The following NBEAL2 variants were observed in gnomAD, a reference collection of about 807,000 sequenced individuals.
NBEAL2 encodes neurobeachin like 2.
A neutral mutation model predicts 299.8 loss-of-function variants in NBEAL2; 160 were observed. The observed-to-expected ratio is 0.53, with a 90% CI of 0.47 to 0.61. The LOEUF (loss-of-function observed/expected upper bound fraction) is 0.61, where lower values mean the gene tolerates loss of function less well. Among genes scored for constraint, NBEAL2 ranks in the 20% least tolerant of loss-of-function variants. The pLI is 0.00. For missense variants in NBEAL2, 3,112 were observed against 3,649.0 expected (o/e 0.85, Z 3.79); for synonymous variants, 1,493 against 1,542.3 (o/e 0.97, Z 0.75).
rs1057175891 is a variant in NBEAL2 at position 46,989,311 on chromosome 3, G to A, written c.403G>A (p.Ala135Thr). 2.5e-6 allele frequency: 4 copies of A among 1,603,696 alleles called. No individual in the cohort carries two copies. In the African/African-American group the frequency reaches 5.4e-5, roughly 21 times the overall value. Residue 135 changes from alanine (A) to threonine (T), a missense_variant, in exon 5 of 54, where the codon GCC becomes ACC. Physicochemically the swap from Ala to Thr is moderately conservative, Grantham distance 58. Transcript: ENST00000450053. This position sits in a 1 kb window ranked among gnomAD's most constrained non-coding sequence, Gnocchi z 5.5. Reference sequence around the variant, plus strand: ...CCGAGGCACGCAGTTGGAGAATGTGGCCCTACATGCTCTGCTTCTCTGCGA... The same window carrying A: ...CCGAGGCACGCAGTTGGAGAATGTGACCCTACATGCTCTGCTTCTCTGCGA... ...QGRGTQLENV[A>T]LHALLLCEGL...
Position 47,001,370 on chromosome 3 carries a change from C to G in NBEAL2, c.4576C>G (p.Leu1526Val). The G allele has an allele frequency of 1.2e-6, 2 of 1,613,246 alleles. No homozygotes were observed. The highest frequency in any genetic ancestry group is 1.7e-6 in the Non-Finnish European group (2 of 1,179,880). Residue 1526 changes from leucine to valine, a missense_variant, in exon 29 of 54, where the codon CTG becomes GTG. Coordinates refer to ENST00000450053, the MANE Select transcript of NBEAL2 (RefSeq NM_015175.3). The surrounding 1 kb of genome is among the most constrained non-coding windows in gnomAD (Gnocchi z 6.1). ...LASLTQQALW[L>V]LRLLQDFLCA... ...CAGCCTCACCCAGCAAGCGCTTTGG[C>G]TGCTGCGTCTGCTGCAGGACTTCCT...
chr3:46,989,207 G>C lies in NBEAL2; in HGVS notation c.351+41G>C. 1 of 1,613,246 alleles carries C rather than the reference G, an allele frequency of 6.2e-7. No homozygotes were observed. Among genetic ancestry groups the C allele is most frequent in the Non-Finnish European group, 8.5e-7 (1 of 1,179,522 alleles). On this transcript the variant is annotated intron_variant, in intron 4 of 53. Transcript: ENST00000450053. The surrounding 1 kb of genome is among the most constrained non-coding windows in gnomAD (Gnocchi z 5.5). ...CCTTGGGGGGCAGAGGGTGTATGCA[G>C]GGAGGCAGGCGGTAGCCATGGCGGG...
chr3:47,008,477 C>T (rs1459590140), intron 51 of NBEAL2, 36 bp downstream of exon 51: 23 of 1,609,752 alleles, frequency 1.4e-5, no homozygotes, highest in Admixed American at 3.3e-5. Context: ...GATGGAGGGG[C>T]AGTTGGGATC....
rs1269952134 is a variant in NBEAL2 at position 46,988,893 on chromosome 3, T to C, written c.192T>C (p.His64=). 6.2e-7 allele frequency: 1 copy of C among 1,612,638 alleles called. No individual in the cohort carries two copies. The highest frequency in any genetic ancestry group is 8.5e-7 in the Non-Finnish European group (1 of 1,179,022). The stretch of plus-strand genomic sequence containing the variant: ...CGCTGCTACCACTGGATGAGCTGCA[T>C]GTGCTGGCCGAACAGCTGCACCAGG... ...EVPLLPLDEL[H]VLAEQLHQAD... Residue 64 remains histidine (H), a synonymous_variant, in exon 3 of 54, where the codon CAT becomes CAC. Coordinates refer to ENST00000450053, the MANE Select transcript of NBEAL2 (RefSeq NM_015175.3). The surrounding 1 kb of genome is among the most constrained non-coding windows in gnomAD (Gnocchi z 4.4).
chr3:46,995,794 A>T lies in NBEAL2; in HGVS notation c.1979A>T (p.Lys660Met). 2 of 1,613,844 alleles carry T rather than the reference A, an allele frequency of 1.2e-6. No homozygotes were observed. Among genetic ancestry groups the T allele is most frequent in the Non-Finnish European group, 1.7e-6 (2 of 1,179,864 alleles). Reference protein sequence around the residue: ...GTLVVAVCTRKEYLTMSLPEV... With the variant: ...GTLVVAVCTRMEYLTMSLPEV... The stretch of plus-strand genomic sequence containing the variant: ...CTGGTGGTGGCTGTGTGCACACGGA[A>T]GGAGTATTTGACCATGAGTTTGCCC... The change falls in exon 14 of 54, where the codon AAG becomes ATG. Residue 660 changes from lysine to methionine, a missense_variant. Lys to Met is a moderately conservative substitution (Grantham distance 95). Coordinates refer to ENST00000450053, the MANE Select transcript of NBEAL2 (RefSeq NM_015175.3).
intron 9 of NBEAL2, 147 bp downstream of exon 9, chr3:46,992,093 G>A (rs1368981630): frequency 1.3e-6 from 1 of 761,020 alleles, no homozygotes; most frequent in Non-Finnish European, 2.2e-6. Flanking sequence ...TCAGTGGGAG[G>A]GTGTGGGGCA....
chr3:46,997,432 A>G lies in NBEAL2; in HGVS notation c.2823A>G (p.Ser941=), dbSNP rs909622220. Residue 941 remains serine, a splice_region_variant and synonymous_variant, in exon 19 of 54, where the codon TCA becomes TCG. Transcript: ENST00000450053. ...TGGTTCTCCCATTGGGTAAATCTTC[A>G]GGTAAGTGTTCCTGGTGCCTATGTT... ...QGLVLPLGKS[S]EERMERNAVA... The G allele has an allele frequency of 6.2e-7, 1 of 1,607,530 alleles. No homozygotes were observed. The highest frequency in any genetic ancestry group is 8.5e-7 in the Non-Finnish European group (1 of 1,176,086).
In NBEAL2 at chr3:46,991,706, G is replaced by A. The variant is rs750108724; in HGVS notation, c.925+18G>A. On this transcript the variant is annotated intron_variant, in intron 8 of 53. Transcript: ENST00000450053. This position sits in a 1 kb window ranked among gnomAD's most constrained non-coding sequence, Gnocchi z 6.2. ...CATGCTCGGTGGGTATGGGCTCCCA[G>A]GCTCTTGGGGAAGGGGCACCATGAG... 1.3e-6 allele frequency: 2 copies of A among 1,588,304 alleles called. No individual in the cohort carries two copies. Among genetic ancestry groups the A allele is most frequent in the Admixed American group, 3.5e-5 (2 of 57,458 alleles).
rs1294474508 is a variant in NBEAL2 at position 46,999,621 on chromosome 3, TC to T, written c.3704-3del. On this transcript the variant is annotated splice_region_variant and splice_polypyrimidine_tract_variant and intron_variant, in intron 25 of 53. Coordinates refer to ENST00000450053, the MANE Select transcript of NBEAL2 (RefSeq NM_015175.3). ...CAGTCCCTCAGGTCCCCCCAACCCA[TC>T]CCCCCAGATTGCCTGAACCTCTCAG... 1.2e-6 allele frequency: 2 copies of T among 1,605,972 alleles called. No homozygotes were observed. The highest frequency in any genetic ancestry group is 1.7e-6 in the Non-Finnish European group (2 of 1,173,956).
At chr3:46,990,178 C>A (rs1180521353) in intron 6 of NBEAL2, among the ~76,000 whole-genome samples, 1 of 152,058 alleles carries the variant, frequency 6.6e-6, no homozygotes, top group African/African-American at 2.4e-5. Flanking sequence ...AAGGTGGTGA[C>A]CTATTGGGAT....
Position 46,996,023 on chromosome 3 carries a change from C to T in NBEAL2, c.2123C>T (p.Ala708Val), listed in dbSNP as rs369694856. 1.1e-5 allele frequency: 17 copies of T among 1,610,794 alleles called. No individual in the cohort carries two copies. Among genetic ancestry groups the T allele is most frequent in the Middle Eastern group, 1.7e-4 (1 of 6,058 alleles). ...AAAGACGGCCATCTGGTCAAGACAGCACCCCTTCGCTGCCCCTCCCTCAGT... is the reference window on the plus strand; with the variant it reads ...AAAGACGGCCATCTGGTCAAGACAGTACCCCTTCGCTGCCCCTCCCTCAGT... ...VYKDGHLVKT[A>V]PLRCPSLSEP... Residue 708 changes from alanine to valine, a missense_variant, in exon 15 of 54, where the codon GCA becomes GTA. Around this residue, in one of 3 missense-constraint regions of NBEAL2, gnomAD observed 2,243 missense variants for 2,538.1 expected, o/e 0.88. Transcript: ENST00000450053.
chr3:46,992,303 TC>T (rs1312292763), intron 9 of NBEAL2, among the ~76,000 whole-genome samples, 171 bp from the exon 10 acceptor site: 1 of 151,988 alleles, frequency 6.6e-6, no homozygotes, highest in Non-Finnish European at 1.5e-5. Flanking sequence ...CACCCGCTCA[TC>T]CCCCCGACTG....
At chr3:46,990,253 C>T (rs1482185032) in intron 6 of NBEAL2, among the ~76,000 whole-genome samples, 1 of 152,126 alleles carries the variant, frequency 6.6e-6, no homozygotes, top group Non-Finnish European at 1.5e-5. Context: ...GGCAGCAACT[C>T]CAGGAGGGGA....
In NBEAL2 at chr3:47,001,800, G is replaced by C. The variant is rs1434538348; in HGVS notation, c.4756G>C (p.Gly1586Arg). 6.2e-7 allele frequency: 1 copy of C among 1,613,776 alleles called. No homozygotes were observed. The highest frequency in any genetic ancestry group is 2.2e-5 in the East Asian group (1 of 44,872). Residue 1586 changes from glycine (G) to arginine (R), a missense_variant, in exon 30 of 54, where the codon GGC (glycine) becomes CGC (arginine). By Grantham distance (125) the Gly-to-Arg change is moderately radical. This residue lies in a region of NBEAL2 where 2,243 missense variants were observed against 2,538.1 expected (regional missense o/e 0.88). Coordinates refer to ENST00000450053, the MANE Select transcript of NBEAL2 (RefSeq NM_015175.3). This position sits in a 1 kb window ranked among gnomAD's most constrained non-coding sequence, Gnocchi z 6.1. ...GCAGATTGGCCTACGGCTTGTACTTGGCTACATCCTGCTGGAAGACCCACA... is the reference window on the plus strand; with the variant it reads ...GCAGATTGGCCTACGGCTTGTACTTCGCTACATCCTGCTGGAAGACCCACA... ...MAQIGLRLVL[G>R]YILLEDPQLH...
intron 50 of NBEAL2, 45 bp downstream of exon 50, chr3:47,008,231 A>G (rs773604422): frequency 1.9e-6 from 3 of 1,612,984 alleles, no homozygotes; most frequent in South Asian, 1.1e-5. Flanking sequence ...TTCCTGGGCA[A>G]TCCCCCTGGA....
intron 10 of NBEAL2, 105 bp downstream of exon 10, chr3:46,992,660 G>A (rs569267049): frequency 8.8e-7 from 1 of 1,136,332 alleles, no homozygotes; most frequent in South Asian, 1.4e-5. Context: ...AAGGCCTGGT[G>A]TGGTCTAGAA....
At chr3:46,983,666 G>A (rs145103104) in intron 1 of NBEAL2, among the ~76,000 whole-genome samples, 1 of 152,262 alleles carries the variant, frequency 6.6e-6, no homozygotes, top group Non-Finnish European at 1.5e-5. Context: ...GTAAAGGGAA[G>A]GTGGAGTCAC....
chr3:47,001,310 A>G lies in NBEAL2; in HGVS notation c.4516A>G (p.Thr1506Ala). The G allele has an allele frequency of 1.2e-6, 2 of 1,612,460 alleles. No individual in the cohort carries two copies. Among genetic ancestry groups the G allele is most frequent in the Non-Finnish European group, 1.7e-6 (2 of 1,179,058 alleles). ...GGAGATGATGCTGGAGTCAGCCCTG[A>G]CCGACATCAAAGAGGCCCCCGTGGG... ...LLEMMLESAL[T>A]DIKEAPVGVL... is the part of the protein sequence containing the mutation. The change falls in exon 29 of 54, where the codon ACC becomes GCC. Residue 1506 changes from threonine to alanine, a missense_variant. By Grantham distance (58) the Thr-to-Ala change is moderately conservative (BLOSUM62 0). Coordinates refer to ENST00000450053, the MANE Select transcript of NBEAL2 (RefSeq NM_015175.3). This position sits in a 1 kb window ranked among gnomAD's most constrained non-coding sequence, Gnocchi z 6.1.
Position 46,989,125 on chromosome 3 carries a change from G to A in NBEAL2, c.310G>A (p.Val104Met), listed in dbSNP as rs1017248518. The change falls in exon 4 of 54, where the codon GTG becomes ATG. Residue 104 changes from valine (V) to methionine (M), a missense_variant. Coordinates refer to ENST00000450053, the MANE Select transcript of NBEAL2 (RefSeq NM_015175.3). The surrounding 1 kb of genome is among the most constrained non-coding windows in gnomAD (Gnocchi z 5.5). ...NIEAGRGQVL[V>M]PRVLALLTKL... ...AGAGGCAGGCCGGGGCCAAGTGCTA[G>A]TGCCCCGAGTGCTGGCACTGTTGAC... 1.9e-6 allele frequency: 3 copies of A among 1,613,866 alleles called. No homozygotes were observed. Among genetic ancestry groups the A allele is most frequent in the Non-Finnish European group, 2.5e-6 (3 of 1,179,844 alleles).
Sources: allele counts gnomAD v4.1 joint callset (sites outside exome capture counted in the v4.1 genomes callset), GRCh38; gene constraint gnomAD v4.1.1; regional missense constraint gnomAD v4.1.1; non-coding constraint Gnocchi (gnomAD v3.1); transcripts MANE v1.5; gene names NCBI Gene and HGNC (gene_info 2026-07-23, HGNC 2026-07-21).